The following ASB7 variants were observed in gnomAD, a reference collection of about 807,000 sequenced individuals.
ASB7 encodes the protein ankyrin repeat and SOCS box protein 7.
ASB7 carries 4 observed loss-of-function variants against 32.5 expected under a neutral mutation model. The ratio of observed to expected loss-of-function variants is 0.12; its 90% confidence interval spans 0.06 to 0.28. ASB7 has a LOEUF of 0.28. Among genes scored for constraint, ASB7 ranks in the 10% least tolerant of loss-of-function variants. The pLI is 1.00. For missense variants in ASB7, 181 were observed against 407.1 expected (o/e 0.44, Z 4.78); for synonymous variants, 172 against 155.6 (o/e 1.11, Z -0.78).
chr15:100,619,293 C>T (rs1034451036), intron 4 of ASB7, among the ~76,000 whole-genome samples: 1 of 152,160 alleles, frequency 6.6e-6, no homozygotes, highest in Non-Finnish European at 1.5e-5. Context: ...GAAGAATGTT[C>T]AGTAAGATTG....
At chr15:100,631,689 G>A (rs1386166293) in intron 5 of ASB7, among the ~76,000 whole-genome samples, 1 of 152,196 alleles carries the variant, frequency 6.6e-6, no homozygotes, top group Non-Finnish European at 1.5e-5. Flanking sequence ...TCTATCCCAT[G>A]TTAGCTGTGA....
chr15:100,630,099 A>C lies in ASB7; in HGVS notation c.817+57A>C, dbSNP rs80341025. ...TTTTAAAAATTTGCATCTTCTGAGG[A>C]GCTTAATGTGTTTTTGCAACTTAAG... On this transcript the variant is annotated intron_variant, in intron 5 of 5. Coordinates refer to ENST00000332783, the MANE Select transcript of ASB7 (RefSeq NM_198243.3). The C allele has an allele frequency of 6.2e-6, 9 of 1,457,010 alleles. No homozygotes were observed. In the East Asian group the frequency reaches 2.2e-4, roughly 35 times the overall value. 90.3% of individuals were successfully genotyped at this position (1,457,010 alleles called of 1,614,324 possible).
intron 5 of ASB7, among the ~76,000 whole-genome samples, chr15:100,648,103 G>A (rs754956995): frequency 2.0e-5 from 3 of 152,160 alleles, no homozygotes; most frequent in African/African-American, 4.8e-5. Flanking sequence ...TTTCTTATTG[G>A]TAAAATGGAG....
At chr15:100,643,161 G>A (rs1389883866) in intron 5 of ASB7, among the ~76,000 whole-genome samples, 1 of 152,194 alleles carries the variant, frequency 6.6e-6, no homozygotes, top group African/African-American at 2.4e-5. Context: ...TGTATAGGTT[G>A]CTAGGGCGTC....
intron 4 of ASB7, among the ~76,000 whole-genome samples, chr15:100,619,731 C>A (rs1023052581): frequency 6.6e-6 from 1 of 152,150 alleles, no homozygotes; most frequent in Admixed American, 6.5e-5. Context: ...ACAGAGCTAG[C>A]CAAAATCAGA....
At chr15:100,630,176 ATTC>A (rs1179095704) in intron 5 of ASB7, 134 bp downstream of exon 5, 2 of 1,358,850 alleles carry the variant, frequency 1.5e-6, no homozygotes, top group African/African-American at 3.0e-5. Flanking sequence ...GCGATGCCTC[ATTC>A]TTCTGAAATA....
intron 4 of ASB7, among the ~76,000 whole-genome samples, chr15:100,628,880 A>G (rs759088130): frequency 1.3e-5 from 2 of 152,226 alleles, no homozygotes; most frequent in African/African-American, 2.4e-5. Context: ...CAATTTGTCA[A>G]GATTACTTGA....
rs2141399681 is a variant in ASB7, at chr15:100,629,348, G to A, written c.212-89G>A. On this transcript the variant is annotated intron_variant, in intron 4 of 5. Coordinates refer to ENST00000332783, the MANE Select transcript of ASB7 (RefSeq NM_198243.3). This position sits in a 1 kb window ranked among gnomAD's most constrained non-coding sequence, Gnocchi z 6.8. Reference sequence around the variant, plus strand: ...TGTTTGGTTGCTTCACATTTTATATGAGAATTGGCCACAGTTTGCTGTGCC... The same window carrying A: ...TGTTTGGTTGCTTCACATTTTATATAAGAATTGGCCACAGTTTGCTGTGCC... 8.4e-7 allele frequency: 1 copy of A among 1,194,796 alleles called. No homozygotes were observed. The highest frequency in any genetic ancestry group is 1.5e-5 in the South Asian group (1 of 67,910). The allele number at this position is 1,194,796 out of a possible 1,614,324, so 74.0% of individuals were successfully genotyped here. A position where few individuals can be genotyped will look rare whatever the true frequency, so the allele number is the denominator to read the frequency against.
chr15:100,610,312 G>A (rs1216330873), intron 3 of ASB7, among the ~76,000 whole-genome samples: 1 of 151,990 alleles, frequency 6.6e-6, no homozygotes, highest in African/African-American at 2.4e-5. Context: ...GGCTAACACG[G>A]TGAAACCCCG....
intron 5 of ASB7, chr15:100,646,166 T>C: frequency 2.4e-6 from 1 of 412,336 alleles, no homozygotes; most frequent in South Asian, 2.0e-5. Flanking sequence ...AAGAGAATAG[T>C]CTGATCCATA....
At chr15:100,606,804 CAG>C (rs749555760) in intron 2 of ASB7, among the ~76,000 whole-genome samples, 1 of 152,080 alleles carries the variant, frequency 6.6e-6, no homozygotes, top group Non-Finnish European at 1.5e-5. Context: ...ATCATACCCT[CAG>C]AGTATCAGTA....
chr15:100,644,618 A>G (rs1219330071), intron 5 of ASB7, among the ~76,000 whole-genome samples: 4 of 152,222 alleles, frequency 2.6e-5, no homozygotes, highest in Non-Finnish European at 4.4e-5. Context: ...TCCTCCCCTC[A>G]TGGAGCATGT....
chr15:100,625,799 T>C (rs2039832097), intron 4 of ASB7, among the ~76,000 whole-genome samples: 1 of 151,822 alleles, frequency 6.6e-6, no homozygotes, highest in African/African-American at 2.4e-5. Context: ...GTCAAGACAG[T>C]GTGGGATTGG....
intron 5 of ASB7, among the ~76,000 whole-genome samples, chr15:100,630,416 A>G (rs529802766): frequency 6.6e-6 from 1 of 152,152 alleles, no homozygotes; most frequent in South Asian, 2.1e-4. Flanking sequence ...TAGAGGGGGA[A>G]TTTTGGATCT....
intron 5 of ASB7, chr15:100,645,990 T>G: frequency 2.1e-6 from 1 of 486,632 alleles, no homozygotes; most frequent in East Asian, 4.7e-5. Context: ...AGTTTGTGGA[T>G]TCCTCCATTT....
chr15:100,629,973 C>G lies in ASB7; in HGVS notation c.748C>G (p.Pro250Ala). The G allele has an allele frequency of 6.2e-7, 1 of 1,613,802 alleles. No homozygotes were observed. The highest frequency in any genetic ancestry group is 8.5e-7 in the Non-Finnish European group (1 of 1,179,748). ...TNTRNYEGQT[P>A]LAVSISISGS... ...CACACGGAACTATGAAGGACAGACC[C>G]CATTGGCTGTTTCAATAAGTATTTC... The change falls in exon 5 of 6, where the codon CCA becomes GCA. Residue 250 changes from proline to alanine, a missense_variant. Coordinates refer to ENST00000332783, the MANE Select transcript of ASB7 (RefSeq NM_198243.3). This position sits in a 1 kb window ranked among gnomAD's most constrained non-coding sequence, Gnocchi z 6.8.
chr15:100,612,973 AAT>A (rs2039709899), intron 4 of ASB7, among the ~76,000 whole-genome samples: 1 of 152,234 alleles, frequency 6.6e-6, no homozygotes, highest in Admixed American at 6.5e-5. Flanking sequence ...ATTTTGTATA[AAT>A]ATGTGCAATT....
intron 4 of ASB7, among the ~76,000 whole-genome samples, chr15:100,613,430 C>T (rs1297565178): frequency 1.3e-5 from 2 of 152,244 alleles, no homozygotes; most frequent in East Asian, 3.8e-4. Context: ...GGAGTAGCCA[C>T]ATGGCCCAGG....
chr15:100,643,535 G>A (rs1050887291), intron 5 of ASB7, among the ~76,000 whole-genome samples: 6 of 143,580 alleles, frequency 4.2e-5, no homozygotes, highest in African/African-American at 1.6e-4. Flanking sequence ...TGTCTCCCAG[G>A]CTGGAGTGCA....
Sources: allele counts gnomAD v4.1 joint callset (sites outside exome capture counted in the v4.1 genomes callset), GRCh38; gene constraint gnomAD v4.1.1; non-coding constraint Gnocchi (gnomAD v3.1); transcripts MANE v1.5; gene names NCBI Gene and HGNC (gene_info 2026-07-23, HGNC 2026-07-21).